CAST: variants seen among roughly 807,000 people sequenced by gnomAD.
CAST encodes calpastatin, also known as MIR583 host.
In CAST, 76 loss-of-function variants were observed where a neutral mutation model predicts 119.6. The ratio of observed to expected loss-of-function variants is 0.64; its 90% CI spans 0.53 to 0.77. The LOEUF (loss-of-function observed/expected upper bound fraction) is 0.77, where lower values mean the gene tolerates loss of function less well. Ranked by LOEUF, CAST falls within the 30% of genes least tolerant of loss-of-function variation. The pLI is 0.00. For missense variants in CAST, 953 were observed against 946.5 expected (o/e 1.01, Z -0.09); for synonymous variants, 319 against 331.6 (o/e 0.96, Z 0.41).
At position 96,729,608 on chromosome 5, in the gene CAST, T is replaced by A; in HGVS notation, c.436-4T>A. 7.2e-7 allele frequency: 1 copy of A among 1,382,652 alleles called. No individual in the cohort carries two copies. Among genetic ancestry groups the A allele is most frequent in the Non-Finnish European group, 1.0e-6 (1 of 969,450 alleles). The allele number at this position is 1,382,652 out of a possible 1,614,324, so 85.6% of individuals were successfully genotyped here. A position where few individuals can be genotyped will look rare whatever the true frequency, so the allele number is the denominator to read the frequency against. On this transcript the variant is annotated splice_region_variant and splice_polypyrimidine_tract_variant and intron_variant, in intron 7 of 31. Transcript: ENST00000675179. ...TGTGTGGGCACCTGTGTGTGTACTT[T>A]CAGCCAAAAAGCCTACCCAAGCAGG...
the CAST span, among the ~76,000 whole-genome samples, chr5:96,119,285 A>T: frequency 3.9e-5 from 6 of 152,154 alleles, no homozygotes; most frequent in South Asian, 2.1e-4. Context: ...AAAAATTTTT[A>T]AAAGTTTTCA....
chr5:96,634,494 C>T (rs541782426), intron 1 of CAST, among the ~76,000 whole-genome samples: 1 of 152,160 alleles, frequency 6.6e-6, no homozygotes, highest in African/African-American at 2.4e-5. Flanking sequence ...TGAACTGATT[C>T]CAGCAGAATG....
chr5:96,301,488 T>A, the CAST span, among the ~76,000 whole-genome samples: 1 of 152,048 alleles, frequency 6.6e-6, no homozygotes, highest in Non-Finnish European at 1.5e-5. Flanking sequence ...AAAGTCCAAG[T>A]CCAAAGTCTC....
chr5:96,093,292 T>C, the CAST span, among the ~76,000 whole-genome samples: 1 of 152,180 alleles, frequency 6.6e-6, no homozygotes, highest in Non-Finnish European at 1.5e-5. Context: ...TGTTAAGTGA[T>C]ACAGTACATG....
At chr5:96,332,450 A>C in the CAST span, among the ~76,000 whole-genome samples, 2 of 151,818 alleles carry the variant, frequency 1.3e-5, no homozygotes, top group African/African-American at 4.8e-5. Context: ...TTTAAATGAT[A>C]AATAAAATTA....
chr5:96,613,802 T>G (rs1220215271), intron 1 of CAST, among the ~76,000 whole-genome samples: 1 of 152,246 alleles, frequency 6.6e-6, no homozygotes, highest in Non-Finnish European at 1.5e-5. Context: ...TCTATTACAA[T>G]GTACATCTTA....
intron 1 of CAST, among the ~76,000 whole-genome samples, chr5:96,629,744 C>T (rs1747791237): frequency 6.6e-6 from 1 of 152,206 alleles, no homozygotes; most frequent in Non-Finnish European, 1.5e-5. Flanking sequence ...CACCTCCCAC[C>T]TTTAAAACCC....
At chr5:96,010,697 A>C in the CAST span, among the ~76,000 whole-genome samples, 7 of 152,232 alleles carry the variant, frequency 4.6e-5, no homozygotes, top group Non-Finnish European at 1.0e-4. Flanking sequence ...TTTGGACAGT[A>C]TGACCATTTA....
intron 1 of CAST, among the ~76,000 whole-genome samples, chr5:96,571,756 G>A (rs931723150): frequency 4.6e-5 from 7 of 152,102 alleles, no homozygotes. Context: ...TCCCTACCCT[G>A]TTTTACTTTC....
At chr5:96,190,927 A>C in the CAST span, among the ~76,000 whole-genome samples, 2 of 152,136 alleles carry the variant, frequency 1.3e-5, no homozygotes, top group Non-Finnish European at 2.9e-5. Flanking sequence ...TGCCATCTTC[A>C]TGTCAATGAG....
At chr5:96,495,675 C>T in the CAST span, among the ~76,000 whole-genome samples, 1 of 152,112 alleles carries the variant, frequency 6.6e-6, no homozygotes, top group Non-Finnish European at 1.5e-5. Context: ...GATTGATGGG[C>T]ATTTGGGTTG....
At chr5:96,170,753 T>C in the CAST span, among the ~76,000 whole-genome samples, 3 of 152,112 alleles carry the variant, frequency 2.0e-5, no homozygotes, top group South Asian at 4.2e-4. Flanking sequence ...TTGGGAGAGG[T>C]TGGATAAAGG....
chr5:96,725,720 A>T (rs898600108), intron 4 of CAST, among the ~76,000 whole-genome samples: 5 of 152,232 alleles, frequency 3.3e-5, no homozygotes. Context: ...AGGTTCTCCC[A>T]TGCAAAATCT....
At chr5:96,456,342 C>T in the CAST span, among the ~76,000 whole-genome samples, 1 of 152,184 alleles carries the variant, frequency 6.6e-6, no homozygotes, top group African/African-American at 2.4e-5. Context: ...CATATCTGAG[C>T]TTTCACATTG....
chr5:96,696,108 G>T, intron 3 of CAST: 1 of 340,736 alleles, frequency 2.9e-6, no homozygotes. Context: ...ACCATTTATT[G>T]TATAAATCTT....
At chr5:96,099,360 T>C in the CAST span, among the ~76,000 whole-genome samples, 4,192 of 152,262 alleles carry the variant, frequency 0.028, 177 homozygotes, top group African/African-American at 0.095. Context: ...TCCAATATTA[T>C]GTTGAATAAG....
chr5:96,535,493 G>A (rs1391741292), intron 1 of CAST, among the ~76,000 whole-genome samples: 1 of 151,894 alleles, frequency 6.6e-6, no homozygotes, highest in Non-Finnish European at 1.5e-5. Flanking sequence ...ACAGGCATAG[G>A]ACATGGTGGC....
At chr5:96,729,060 A>G (rs1759920248) in intron 6 of CAST, 93 bp from the exon 7 acceptor site, 1 of 805,218 alleles carries the variant, frequency 1.2e-6, no homozygotes, top group African/African-American at 1.7e-5. Context: ...AAAAAGGCAG[A>G]ATGTTTTAGT....
the CAST span, among the ~76,000 whole-genome samples, chr5:96,302,732 T>C: frequency 1.3e-5 from 2 of 152,222 alleles, no homozygotes; most frequent in Non-Finnish European, 2.9e-5. Context: ...GAAGGACCTT[T>C]ATTCCAGTTC....
Sources: allele counts gnomAD v4.1 joint callset (sites outside exome capture counted in the v4.1 genomes callset), GRCh38; gene constraint gnomAD v4.1.1; transcripts MANE v1.5; gene names NCBI Gene and HGNC (gene_info 2026-07-23, HGNC 2026-07-21).